BBOX1: variants seen among roughly 807,000 people sequenced by gnomAD.
BBOX1 encodes gamma-butyrobetaine hydroxylase 1, also known as gamma-butyrobetaine dioxygenase.
BBOX1 carries 35 observed loss-of-function variants against 41.6 expected under a neutral mutation model. The ratio of observed to expected loss-of-function variants is 0.84; its 90% CI spans 0.64 to 1.11. The LOEUF (loss-of-function observed/expected upper bound fraction) is 1.11. Among genes scored for constraint, BBOX1 ranks in the 50% most tolerant of loss-of-function variants. The pLI is 0.00. For synonymous variants in BBOX1, 163 were observed against 154.7 expected (o/e 1.05, Z -0.40); for missense variants, 458 against 460.6 (o/e 0.99, Z 0.05).
At chr11:27,112,776 CA>C (rs1859117597) in intron 5 of BBOX1, among the ~76,000 whole-genome samples, 1 of 151,848 alleles carries the variant, frequency 6.6e-6, no homozygotes, top group Admixed American at 6.6e-5. Flanking sequence ...ATAACAAAAA[CA>C]ATTGCAACAA....
At position 27,119,629 on chromosome 11, in the gene BBOX1, T is replaced by G; in HGVS notation, c.640-20T>G. On this transcript the variant is annotated intron_variant, in intron 6 of 8. Transcript: ENST00000263182. ...ATGTAATTTAATATTTATTTAATAA[T>G]GCATATTTTCTTTTTATAGGTTCAG... 7.8e-7 allele frequency: 1 copy of G among 1,286,578 alleles called. No individual in the cohort carries two copies. Among genetic ancestry groups the G allele is most frequent in the Non-Finnish European group, 1.0e-6 (1 of 985,304 alleles). The allele number at this position is 1,286,578 out of a possible 1,614,324, so 79.7% of individuals were successfully genotyped here.
intron 2 of BBOX1, among the ~76,000 whole-genome samples, chr11:27,054,415 G>T (rs541211010): frequency 6.6e-6 from 1 of 152,064 alleles, no homozygotes; most frequent in African/African-American, 2.4e-5. Flanking sequence ...CTTCATCCAC[G>T]TAAGTTTAGA....
chr11:27,054,963 T>G (rs140569895), intron 2 of BBOX1, among the ~76,000 whole-genome samples: 4 of 152,154 alleles, frequency 2.6e-5, no homozygotes, highest in Non-Finnish European at 5.9e-5. Flanking sequence ...AAAAACATTT[T>G]TTTTCAAAAG....
At chr11:27,116,068 A>G (rs1859247840) in intron 6 of BBOX1, among the ~76,000 whole-genome samples, 1 of 152,024 alleles carries the variant, frequency 6.6e-6, no homozygotes, top group Non-Finnish European at 1.5e-5. Context: ...TTTGGAACCA[A>G]TCCAAATGCC....
chr11:27,113,911 C>T (rs1335809681), intron 5 of BBOX1, among the ~76,000 whole-genome samples: 2 of 151,068 alleles, frequency 1.3e-5, no homozygotes, highest in African/African-American at 2.4e-5. Flanking sequence ...CCAGCCAGAG[C>T]GATTAGACAA....
In BBOX1 at chr11:27,093,236, G is replaced by A; in HGVS notation, c.403G>A (p.Glu135Lys). The change falls in exon 5 of 9, where the codon GAA becomes AAA. Residue 135 changes from glutamate (E) to lysine (K), a missense_variant. By Grantham distance (56) the Glu-to-Lys change is moderately conservative. Coordinates refer to ENST00000263182, the MANE Select transcript of BBOX1 (RefSeq NM_003986.3). ...LDFEDVLRYD[E>K]HAYKWLSTLK... ...TTTTGAAGATGTTTTAAGATATGATGAACACGCATACAAGTGGCTCTCCAC... is the reference window on the plus strand; with the variant it reads ...TTTTGAAGATGTTTTAAGATATGATAAACACGCATACAAGTGGCTCTCCAC... 1.2e-6 allele frequency: 2 copies of A among 1,612,462 alleles called. No individual in the cohort carries two copies. The highest frequency in any genetic ancestry group is 2.2e-5 in the South Asian group (2 of 91,026).
rs773098215 is a variant in BBOX1, at chr11:27,115,495, G to T, written c.577G>T (p.Ala193Ser). ...VQDKIDANNV[A>S]YTTGKLSFHT... Reference sequence around the variant, plus strand: ...AGACAAAATCGATGCAAACAATGTGGCTTACACAACTGGGAAGCTAAGCTT... The same window carrying T: ...AGACAAAATCGATGCAAACAATGTGTCTTACACAACTGGGAAGCTAAGCTT... The change falls in exon 6 of 9, where the codon GCT (alanine) becomes TCT (serine). Residue 193 changes from alanine (A) to serine (S), a missense_variant. Ala to Ser is a moderately conservative substitution (Grantham distance 99). Coordinates refer to ENST00000263182, the MANE Select transcript of BBOX1 (RefSeq NM_003986.3). 6 of 1,611,236 alleles carry T rather than the reference G, an allele frequency of 3.7e-6. No individual in the cohort carries two copies. Among genetic ancestry groups the T allele is most frequent in the Non-Finnish European group, 5.1e-6 (6 of 1,178,186 alleles).
intron 5 of BBOX1, among the ~76,000 whole-genome samples, chr11:27,108,849 G>A (rs527721508): frequency 6.6e-6 from 1 of 152,102 alleles, no homozygotes; most frequent in East Asian, 1.9e-4. Context: ...CCCCACATGT[G>A]AGAAGAGATT....
chr11:27,081,573 T>C (rs1190018503), intron 4 of BBOX1, among the ~76,000 whole-genome samples: 1 of 152,152 alleles, frequency 6.6e-6, no homozygotes, highest in African/African-American at 2.4e-5. Flanking sequence ...ATATACATAG[T>C]AATGGGATTG....
At chr11:27,053,665 C>T (rs1856883868) in intron 2 of BBOX1, among the ~76,000 whole-genome samples, 1 of 152,054 alleles carries the variant, frequency 6.6e-6, no homozygotes, top group South Asian at 2.1e-4. Context: ...CCAGCCAACC[C>T]TTTCTCTTGT....
At chr11:27,116,481 AAAAT>A (rs1859268522) in intron 6 of BBOX1, among the ~76,000 whole-genome samples, 1 of 147,710 alleles carries the variant, frequency 6.8e-6, no homozygotes, top group African/African-American at 2.5e-5. Flanking sequence ...ACAAAAAAAA[AAAAT>A]AATAACTCAC....
intron 7 of BBOX1, among the ~76,000 whole-genome samples, chr11:27,124,413 A>G (rs1464295517): frequency 1.3e-5 from 2 of 152,224 alleles, no homozygotes; most frequent in Non-Finnish European, 2.9e-5. Context: ...AATAAGCTAC[A>G]AAAGAGTTTC....
chr11:27,096,116 A>G (rs1029081826), intron 5 of BBOX1, among the ~76,000 whole-genome samples: 1 of 151,978 alleles, frequency 6.6e-6, no homozygotes, highest in Non-Finnish European at 1.5e-5. Context: ...GGGGACTTCA[A>G]TAGAAGTCAG....
Position 27,093,364 on chromosome 11 carries a change from T to C in BBOX1, c.531T>C (p.Tyr177=), listed in dbSNP as rs372802726. The C allele has an allele frequency of 2.5e-6, 4 of 1,611,870 alleles. No individual in the cohort carries two copies. The highest frequency in any genetic ancestry group is 1.7e-5 in the Admixed American group (1 of 59,790). Residue 177 remains tyrosine (Y), a splice_region_variant and synonymous_variant, in exon 5 of 9, where the codon TAT becomes TAC. Transcript: ENST00000263182. ...TGGGTTTCCTCTATCTCACATTTTA[T>C]GGGTGAGTCACCAAATGGTTTGTAT... ...KRMGFLYLTF[Y]GHTWQVQDKI...
At chr11:27,115,395 G>T in intron 5 of BBOX1, 57 bp from the exon 6 acceptor site, 1 of 1,350,288 alleles carries the variant, frequency 7.4e-7, no homozygotes, top group Non-Finnish European at 1.0e-6. Context: ...TCATTCTAAT[G>T]CATTTCCTCT....
chr11:27,043,293 G>C (rs1236759532), intron 2 of BBOX1, among the ~76,000 whole-genome samples: 3 of 151,960 alleles, frequency 2.0e-5, no homozygotes, highest in Non-Finnish European at 2.9e-5. Context: ...TCGATTTCCT[G>C]ACCTCGTGAT....
chr11:27,076,829 A>T (rs1857648357), intron 4 of BBOX1, among the ~76,000 whole-genome samples: 1 of 152,146 alleles, frequency 6.6e-6, no homozygotes, highest in African/African-American at 2.4e-5. Context: ...GCTGCACTGA[A>T]GAGTTTGTGC....
At chr11:27,043,127 G>T (rs982469592) in intron 2 of BBOX1, among the ~76,000 whole-genome samples, 5 of 151,806 alleles carry the variant, frequency 3.3e-5, no homozygotes, top group African/African-American at 1.2e-4. Context: ...GCAGTGGCGC[G>T]ATCTCGGCTC....
chr11:27,108,898 C>T (rs1377293098), intron 5 of BBOX1, among the ~76,000 whole-genome samples: 20 of 152,032 alleles, frequency 1.3e-4, no homozygotes, highest in Admixed American at 1.3e-3. Flanking sequence ...CACTGCCACC[C>T]TACTAATACC....
Sources: allele counts gnomAD v4.1 joint callset (sites outside exome capture counted in the v4.1 genomes callset), GRCh38; gene constraint gnomAD v4.1.1; transcripts MANE v1.5; gene names NCBI Gene and HGNC (gene_info 2026-07-23, HGNC 2026-07-21).